The following NCAM2 variants were observed in gnomAD, a reference collection of about 807,000 sequenced individuals.
The protein encoded by NCAM2 is N-CAM-2.
In NCAM2, 30 loss-of-function variants were observed where a neutral mutation model predicts 98.1. The ratio of observed to expected loss-of-function variants is 0.31; its 90% CI spans 0.23 to 0.41. NCAM2 has a LOEUF of 0.41. Ranked by LOEUF, NCAM2 falls within the 10% of genes least tolerant of loss-of-function variation. NCAM2 has a pLI of 1.00. For synonymous variants in NCAM2, 368 were observed against 342.4 expected, an observed-to-expected ratio of 1.07 and a Z score of -0.83; for missense variants, 867 against 1,005.8, an observed-to-expected ratio of 0.86 and a Z score of 1.87.
chr21:21,214,219 T>C (rs2069771854), intron 1 of NCAM2, among the ~76,000 whole-genome samples: 1 of 152,166 alleles, frequency 6.6e-6, no homozygotes, highest in Admixed American at 6.5e-5. Flanking sequence ...AATTACAGTC[T>C]TTCCAAGTAA....
intron 1 of NCAM2, among the ~76,000 whole-genome samples, chr21:21,094,127 C>T (rs1239668864): frequency 6.6e-6 from 1 of 151,680 alleles, no homozygotes; most frequent in Non-Finnish European, 1.5e-5. Flanking sequence ...TTGATACACT[C>T]GATGCTAGGG....
chr21:21,292,203 G>A lies in NCAM2; in HGVS notation c.581G>A (p.Gly194Glu). 1.9e-6 allele frequency: 3 copies of A among 1,610,116 alleles called. No homozygotes were observed. Among genetic ancestry groups the A allele is most frequent in the Non-Finnish European group, 2.5e-6 (3 of 1,177,804 alleles). Residue 194 changes from glycine (G) to glutamate (E), a missense_variant, in exon 5 of 18, where the codon GGA (glycine) becomes GAA (glutamate). Gly to Glu is a moderately conservative substitution (Grantham distance 98). Around this residue, in one of 5 missense-constraint regions of NCAM2, gnomAD observed 447 missense variants for 495.7 expected, o/e 0.90. Coordinates refer to ENST00000400546, the MANE Select transcript of NCAM2 (RefSeq NM_004540.5). Reference protein sequence around the residue: ...YRCEGRVEARGEIDFRDIIVI... With the variant: ...YRCEGRVEAREEIDFRDIIVI... ...TGTGAAGGAAGAGTGGAGGCCAGGG[G>A]AGAAATTGACTTCCGTGATATCATT...
At chr21:21,516,538 A>G (rs1367886861) in intron 16 of NCAM2, among the ~76,000 whole-genome samples, 2 of 152,140 alleles carry the variant, frequency 1.3e-5, no homozygotes, top group African/African-American at 4.8e-5. Context: ...CCTAAAATTC[A>G]AGAAACTTAA....
intron 11 of NCAM2, among the ~76,000 whole-genome samples, chr21:21,425,551 A>G (rs2077198730): frequency 6.6e-6 from 1 of 152,248 alleles, no homozygotes; most frequent in South Asian, 2.1e-4. Context: ...TTGGTAGTGA[A>G]TGAACACTGC....
chr21:21,042,414 C>T (rs982089617), intron 1 of NCAM2, among the ~76,000 whole-genome samples: 1 of 152,112 alleles, frequency 6.6e-6, no homozygotes, highest in African/African-American at 2.4e-5. Flanking sequence ...AAACTCCTGA[C>T]CTCAGGTGAT....
intron 11 of NCAM2, among the ~76,000 whole-genome samples, chr21:21,428,853 C>A (rs2077269221): frequency 6.6e-6 from 1 of 152,158 alleles, no homozygotes; most frequent in African/African-American, 2.4e-5. Context: ...TTTTTCATTA[C>A]TGAAATATTT....
intron 1 of NCAM2, among the ~76,000 whole-genome samples, chr21:21,015,743 C>A (rs1031278842): frequency 3.9e-5 from 6 of 151,940 alleles, no homozygotes; most frequent in Admixed American, 3.3e-4. Flanking sequence ...CGCTCTTGTC[C>A]CCCAGGCTGG....
At chr21:21,265,037 A>ATACACATATATATATATGTGTCTG (rs2072133621) in intron 1 of NCAM2, among the ~76,000 whole-genome samples, 1 of 41,842 alleles carries the variant, frequency 2.4e-5, no homozygotes, top group Non-Finnish European at 4.1e-5. Flanking sequence ...CTGTGTATAT[A>ATACACATATATATATATGTGTCTG]TGTACACATA....
intron 1 of NCAM2, among the ~76,000 whole-genome samples, chr21:21,008,796 A>T (rs2064154902): frequency 6.6e-6 from 1 of 152,082 alleles, no homozygotes; most frequent in South Asian, 2.1e-4. Flanking sequence ...AATATTTGGG[A>T]GTGTTTGACT....
At chr21:21,294,583 A>T (rs1395822187) in intron 5 of NCAM2, among the ~76,000 whole-genome samples, 1 of 151,824 alleles carries the variant, frequency 6.6e-6, no homozygotes, top group Non-Finnish European at 1.5e-5. Context: ...AAACTCGCGT[A>T]GCTTAAAATT....
chr21:21,465,772 T>C (rs2146209561), intron 12 of NCAM2, among the ~76,000 whole-genome samples: 1 of 152,184 alleles, frequency 6.6e-6, no homozygotes, highest in South Asian at 2.1e-4. Flanking sequence ...GATATTGTTA[T>C]ATCCCCTAGC....
intron 1 of NCAM2, among the ~76,000 whole-genome samples, chr21:21,153,646 G>A (rs780162076): frequency 1.3e-5 from 2 of 151,860 alleles, no homozygotes; most frequent in Non-Finnish European, 2.9e-5. Flanking sequence ...TTTAGTCATG[G>A]TGGGGGGTAC....
At chr21:21,140,310 G>A (rs1394591820) in intron 1 of NCAM2, among the ~76,000 whole-genome samples, 1 of 152,126 alleles carries the variant, frequency 6.6e-6, no homozygotes, top group Non-Finnish European at 1.5e-5. Context: ...TCTAGGCATT[G>A]AAGCTAAACA....
At chr21:21,385,220 AAACTCT>A (rs2076241791) in intron 9 of NCAM2, among the ~76,000 whole-genome samples, 1 of 152,094 alleles carries the variant, frequency 6.6e-6, no homozygotes, top group Non-Finnish European at 1.5e-5. Flanking sequence ...AATAGTAATA[AAACTCT>A]TAGTACCTTA....
At chr21:21,128,194 G>C (rs1020693066) in intron 1 of NCAM2, among the ~76,000 whole-genome samples, 9 of 151,878 alleles carry the variant, frequency 5.9e-5, no homozygotes, top group African/African-American at 2.2e-4. Context: ...TGTTTGTGGT[G>C]GTTGTTAGTT....
At chr21:21,205,635 T>C (rs2069409555) in intron 1 of NCAM2, among the ~76,000 whole-genome samples, 1 of 152,046 alleles carries the variant, frequency 6.6e-6, no homozygotes, top group South Asian at 2.1e-4. Flanking sequence ...GGATCTTTAA[T>C]TTTTTTTAAG....
chr21:21,019,278 T>A (rs2064380190), intron 1 of NCAM2, among the ~76,000 whole-genome samples: 1 of 152,238 alleles, frequency 6.6e-6, no homozygotes, highest in African/African-American at 2.4e-5. Flanking sequence ...GCAAACTTTT[T>A]GATAATTATA....
At chr21:21,402,319 A>G (rs2076648432) in intron 9 of NCAM2, among the ~76,000 whole-genome samples, 1 of 152,150 alleles carries the variant, frequency 6.6e-6, no homozygotes, top group Non-Finnish European at 1.5e-5. Context: ...GGGGAGGTCT[A>G]TAAACGGCCA....
chr21:21,077,522 A>T (rs939866294), intron 1 of NCAM2, among the ~76,000 whole-genome samples: 4 of 152,208 alleles, frequency 2.6e-5, no homozygotes, highest in Non-Finnish European at 5.9e-5. Flanking sequence ...GTAAATGAGA[A>T]TGCCCATATG....
Sources: allele counts gnomAD v4.1 joint callset (sites outside exome capture counted in the v4.1 genomes callset), GRCh38; gene constraint gnomAD v4.1.1; regional missense constraint gnomAD v4.1.1; transcripts MANE v1.5; gene names NCBI Gene and HGNC (gene_info 2026-07-23, HGNC 2026-07-21).